ADGRE3: variants seen among roughly 807,000 people sequenced by gnomAD.
ADGRE3 encodes adhesion G protein-coupled receptor E3, also known as EGF-like module receptor 3.
Under a neutral mutation model 80.1 loss-of-function variants are expected in ADGRE3, and 88 were observed. That is an observed-to-expected ratio of 1.10 (90% confidence interval 0.93 to 1.31). The LOEUF (loss-of-function observed/expected upper bound fraction) is 1.31, where lower values mean the gene tolerates loss of function less well. ADGRE3 is among the 40% of genes most tolerant of loss of function. The pLI is 0.00. For missense variants in ADGRE3, 715 were observed against 776.5 expected, an observed-to-expected ratio of 0.92 and a Z score of 0.94; for synonymous variants, 281 against 294.8, an observed-to-expected ratio of 0.95 and a Z score of 0.48.
At chr19:14,650,453 C>T (rs1352319404) in intron 7 of ADGRE3, among the ~76,000 whole-genome samples, 1 of 149,556 alleles carries the variant, frequency 6.7e-6, no homozygotes, top group African/African-American at 2.5e-5. Flanking sequence ...TCTCTCTTTC[C>T]ACATCTCTCT....
chr19:14,615,633 G>C (rs183628832), downstream of ADGRE3, among the ~76,000 whole-genome samples: 1 of 151,236 alleles, frequency 6.6e-6, no homozygotes, highest in African/African-American at 2.4e-5. Context: ...GTGGTGGTGC[G>C]TGCCTGTAAT....
chr19:14,635,394 C>T (rs940667424), intron 11 of ADGRE3, among the ~76,000 whole-genome samples: 2 of 149,384 alleles, frequency 1.3e-5, no homozygotes, highest in Admixed American at 1.3e-4. Flanking sequence ...CGTGAACCAC[C>T]ATGCCTGGTC....
At chr19:14,630,707 C>A (rs958296989) in intron 13 of ADGRE3, among the ~76,000 whole-genome samples, 1 of 152,036 alleles carries the variant, frequency 6.6e-6, no homozygotes, top group Non-Finnish European at 1.5e-5. Flanking sequence ...AACCACTGCA[C>A]CCAGCCTCAG....
intron 2 of ADGRE3, among the ~76,000 whole-genome samples, chr19:14,665,936 G>GTATATATATGCATACATATATATA (rs71166783): frequency 0.1 from 4,226 of 42,014 alleles, 1,455 homozygotes; most frequent in East Asian, 0.14. Context: ...ACACATATGT[G>GTATATATATGCATACATATATATA]TATATATATA....
At chr19:14,635,738 T>C (rs998997510) in intron 11 of ADGRE3, among the ~76,000 whole-genome samples, 2 of 152,128 alleles carry the variant, frequency 1.3e-5, no homozygotes, top group Admixed American at 1.3e-4. Flanking sequence ...AATGCTAAAA[T>C]CCTGCCCCAA....
At chr19:14,638,046 C>T (rs1311175384) in intron 11 of ADGRE3, 59 bp downstream of exon 11, 4 of 1,225,076 alleles carry the variant, frequency 3.3e-6, no homozygotes, top group Admixed American at 1.7e-5. Flanking sequence ...ATCATGAATG[C>T]TGCCCTCAAA....
the ADGRE3 span, among the ~76,000 whole-genome samples, chr19:14,604,773 T>A: frequency 2.1e-4 from 32 of 150,040 alleles, no homozygotes; most frequent in African/African-American, 4.2e-4. Flanking sequence ...AAAAAAAAAA[T>A]TTTTTTTTTA....
At chr19:14,663,633 G>A in intron 2 of ADGRE3, 93 bp from the exon 3 acceptor site, 2 of 1,434,272 alleles carry the variant, frequency 1.4e-6, no homozygotes, top group Non-Finnish European at 1.9e-6. Flanking sequence ...GAGGTCAGGA[G>A]TTCAAGAGCA....
intron 2 of ADGRE3, 49 bp from the exon 3 acceptor site, chr19:14,663,589 C>T: frequency 3.8e-6 from 6 of 1,580,068 alleles, no homozygotes; most frequent in Non-Finnish European, 5.2e-6. Flanking sequence ...CACAAACTCT[C>T]CTGTTATAAT....
downstream of ADGRE3, among the ~76,000 whole-genome samples, chr19:14,614,210 G>C (rs2075062968): frequency 6.6e-6 from 1 of 152,152 alleles, no homozygotes; most frequent in Non-Finnish European, 1.5e-5. Context: ...CCTCCACCCA[G>C]GGGACTGTTA....
chr19:14,671,691 T>C (rs555436003), intron 1 of ADGRE3, among the ~76,000 whole-genome samples: 2 of 152,250 alleles, frequency 1.3e-5, no homozygotes, highest in Non-Finnish European at 2.9e-5. Flanking sequence ...CAGTTACTTA[T>C]GCAATTGCAT....
intron 9 of ADGRE3, among the ~76,000 whole-genome samples, chr19:14,642,234 G>C (rs1971274511): frequency 6.6e-6 from 1 of 152,016 alleles, no homozygotes; most frequent in Non-Finnish European, 1.5e-5. Flanking sequence ...GTGATTTTTG[G>C]GCCATGGTGT....
chr19:14,602,611 C>G, the ADGRE3 span, among the ~76,000 whole-genome samples: 72 of 152,100 alleles, frequency 4.7e-4, no homozygotes, highest in Non-Finnish European at 8.1e-4. Context: ...ATTTTTAGAC[C>G]GTTTACATTT....
chr19:14,669,207 T>C (rs1409394118), intron 1 of ADGRE3, among the ~76,000 whole-genome samples: 1 of 152,218 alleles, frequency 6.6e-6, no homozygotes, highest in Middle Eastern at 3.2e-3. Flanking sequence ...ATGCCATATA[T>C]GCACCATGGA....
At chr19:14,620,537 T>TATAA (rs1415988959) in intron 15 of ADGRE3, among the ~76,000 whole-genome samples, 5 of 18,446 alleles carry the variant, frequency 2.7e-4, no homozygotes, top group African/African-American at 1.2e-3. Context: ...TATATATATT[T>TATAA]TATATATATA....
chr19:14,646,750 G>T (rs1156606423), intron 8 of ADGRE3, among the ~76,000 whole-genome samples: 3 of 128,792 alleles, frequency 2.3e-5, no homozygotes, highest in East Asian at 4.9e-4. Context: ...TTGTTTCTTT[G>T]TTTCTTTTCT....
chr19:14,630,339 A>T, intron 13 of ADGRE3, 132 bp from the exon 14 acceptor site: 1 of 571,714 alleles, frequency 1.7e-6, no homozygotes, highest in Non-Finnish European at 2.7e-6. Flanking sequence ...AGCACTGGCT[A>T]CCTGTGTGAT....
intron 11 of ADGRE3, among the ~76,000 whole-genome samples, chr19:14,636,081 C>CTTTCCTTTCCCTTT (rs1555755785): frequency 4.1e-5 from 1 of 24,602 alleles, no homozygotes; most frequent in Admixed American, 5.4e-4. Flanking sequence ...CTTTCCTTTC[C>CTTTCCTTTCCCTTT]CTTTCTTTCT....
the ADGRE3 span, among the ~76,000 whole-genome samples, chr19:14,604,249 G>C: frequency 2.0e-5 from 3 of 151,986 alleles, no homozygotes; most frequent in Non-Finnish European, 4.4e-5. Context: ...AACCCATCTG[G>C]GGTTTTTACC....
Sources: allele counts gnomAD v4.1 joint callset (sites outside exome capture counted in the v4.1 genomes callset), GRCh38; gene constraint gnomAD v4.1.1; transcripts MANE v1.5; gene names NCBI Gene and HGNC (gene_info 2026-07-23, HGNC 2026-07-21).